The following GLB1L2 variants were observed in gnomAD, a reference collection of about 807,000 sequenced individuals.
GLB1L2 encodes galactosidase beta 1 like 2.
Under a neutral mutation model 84.1 loss-of-function variants are expected in GLB1L2, and 68 were observed. The ratio of observed to expected loss-of-function variants is 0.81; its 90% CI spans 0.67 to 0.99. The LOEUF is 0.99. Ranked by LOEUF, GLB1L2 falls within the 50% of genes least tolerant of loss-of-function variation. The pLI is 0.00. For missense variants in GLB1L2, 762 were observed against 805.6 expected, an observed-to-expected ratio of 0.95 and a Z score of 0.66; for synonymous variants, 290 against 318.0, an observed-to-expected ratio of 0.91 and a Z score of 0.94.
At chr11:134,366,946 G>A in intron 8 of GLB1L2, 1 of 380,022 alleles carries the variant, frequency 2.6e-6, no homozygotes, top group East Asian at 6.2e-5. Flanking sequence ...GACAGGCAAA[G>A]CTTGGCTTGA....
intron 6 of GLB1L2, among the ~76,000 whole-genome samples, chr11:134,357,669 C>T (rs1380665210): frequency 6.6e-6 from 1 of 152,244 alleles, no homozygotes; most frequent in African/African-American, 2.4e-5. Context: ...TCATGCTTCC[C>T]TGGTGTCGGG....
At chr11:134,374,833 G>A (rs968520554) in intron 18 of GLB1L2, 115 bp downstream of exon 18, 21 of 1,151,928 alleles carry the variant, frequency 1.8e-5, no homozygotes, top group Admixed American at 1.6e-4. Context: ...CCTCCTCCTC[G>A]CTGCAGACGA....
chr11:134,349,747 CAA>C (rs1292347402), intron 5 of GLB1L2, among the ~76,000 whole-genome samples: 2 of 152,154 alleles, frequency 1.3e-5, no homozygotes, highest in Non-Finnish European at 2.9e-5. Flanking sequence ...AATGTTTATT[CAA>C]GTCTTCTGCT....
Position 134,370,498 on chromosome 11 carries a change from G to C in GLB1L2, c.1215+99G>C. 2 of 911,250 alleles carry C rather than the reference G, an allele frequency of 2.2e-6. No individual in the cohort carries two copies. The highest frequency in any genetic ancestry group is 3.5e-6 in the Non-Finnish European group (2 of 566,974). 56.4% of individuals were successfully genotyped at this position (911,250 alleles called of 1,614,324 possible). A position where few individuals can be genotyped will look rare whatever the true frequency, so the allele number is the denominator to read the frequency against. On this transcript the variant is annotated intron_variant, in intron 12 of 18. Coordinates refer to ENST00000535456, the MANE Select transcript of GLB1L2 (RefSeq NM_001370461.1). The surrounding 1 kb of genome is among the most constrained non-coding windows in gnomAD (Gnocchi z 4.7). ...GGGCAGTCGTCGGCGGGAGGTGAGA[G>C]TCGTCGGGGCAGCAGGGCCTGGAGC...
At chr11:134,336,764 A>T (rs1156842911) in intron 1 of GLB1L2, among the ~76,000 whole-genome samples, 1 of 148,666 alleles carries the variant, frequency 6.7e-6, no homozygotes, top group African/African-American at 2.5e-5. Context: ...TTAAAAAAAA[A>T]TTTAACATAA....
At position 134,359,068 on chromosome 11, in the gene GLB1L2, G is replaced by A. The variant is rs1386341076; in HGVS notation, c.660G>A (p.Glu220=). Residue 220 remains glutamate (E), a synonymous_variant, in exon 7 of 19, where the codon GAG becomes GAA. Transcript: ENST00000535456. ...AYMPYVKKAL[E]DRGIVELLLT... is the part of the protein sequence containing the mutation. ...TCTCATTTCCCCCACAGGCACTGGAGGACCGTGGCATTGTGGAACTGCTCC... is the reference window on the plus strand; with the variant it reads ...TCTCATTTCCCCCACAGGCACTGGAAGACCGTGGCATTGTGGAACTGCTCC... 6.9e-6 allele frequency: 11 copies of A among 1,600,040 alleles called. No homozygotes were observed. The East Asian group carries it at 2.5e-4, about 36-fold the overall frequency.
At chr11:134,342,191 CGACGGCCTTCCCGTG>C (rs1943473565) in intron 1 of GLB1L2, among the ~76,000 whole-genome samples, 1 of 152,080 alleles carries the variant, frequency 6.6e-6, no homozygotes, top group South Asian at 2.1e-4. Context: ...CCGGAGCCTT[CGACGGCCTTCCCGTG>C]GGGGACTCTG....
chr11:134,334,396 A>G lies in GLB1L2; in HGVS notation c.86+2249A>G, dbSNP rs562620860. On this transcript the variant is annotated intron_variant, in intron 1 of 18. Coordinates refer to ENST00000535456, the MANE Select transcript of GLB1L2 (RefSeq NM_001370461.1). This position sits in a 1 kb window ranked among gnomAD's most constrained non-coding sequence, Gnocchi z 4.1. ...CGGTCAGTCATAGCTGGTGGGTTAC[A>G]TCATATCAAAAGACTAGGATGACCA... 6.6e-6 allele frequency among the ~76,000 whole-genome samples: 1 copy of G among 152,236 alleles called. No homozygotes were observed. Among genetic ancestry groups the G allele is most frequent in the Admixed American group, 6.5e-5 (1 of 15,288 alleles).
intron 7 of GLB1L2, among the ~76,000 whole-genome samples, chr11:134,362,627 G>A (rs1309174899): frequency 1.3e-5 from 2 of 152,200 alleles, no homozygotes; most frequent in African/African-American, 2.4e-5. Flanking sequence ...AGCTGTTCTG[G>A]GCCAGGCCGG....
Position 134,370,377 on chromosome 11 carries a change from A to G in GLB1L2, c.1193A>G (p.Asp398Gly), listed in dbSNP as rs1181073103. The G allele has an allele frequency of 6.2e-7, 1 of 1,612,934 alleles. No individual in the cohort carries two copies. The highest frequency in any genetic ancestry group is 2.2e-5 in the East Asian group (1 of 44,808). Residue 398 changes from aspartate (D) to glycine (G), a missense_variant, in exon 12 of 19, where the codon GAC (aspartate) becomes GGC (glycine). Coordinates refer to ENST00000535456, the MANE Select transcript of GLB1L2 (RefSeq NM_001370461.1). This position sits in a 1 kb window ranked among gnomAD's most constrained non-coding sequence, Gnocchi z 4.7. ...CCAGTCTTGTACCTGTCTCTGTGGGACGCCCTCAAGTACCTGGGGGAGGTG... is the reference window on the plus strand; with the variant it reads ...CCAGTCTTGTACCTGTCTCTGTGGGGCGCCCTCAAGTACCTGGGGGAGGTG... ...LTPVLYLSLW[D>G]ALKYLGEPIK...
At chr11:134,344,136 G>A (rs1252336697) in intron 2 of GLB1L2, among the ~76,000 whole-genome samples, 2 of 152,130 alleles carry the variant, frequency 1.3e-5, no homozygotes, top group African/African-American at 4.8e-5. Flanking sequence ...AAGCTAACTG[G>A]GGTCAGAGCG....
chr11:134,338,900 C>T lies in GLB1L2; in HGVS notation c.87-3854C>T, dbSNP rs957754094. 2.0e-5 allele frequency among the ~76,000 whole-genome samples: 3 copies of T among 152,154 alleles called. No homozygotes were observed. Among genetic ancestry groups the T allele is most frequent in the Non-Finnish European group, 2.9e-5 (2 of 68,026 alleles). The stretch of plus-strand genomic sequence containing the variant: ...CACCCTCTCCATCCAGGTGGAGGAG[C>T]GGAGCCTGACTCTGAGCAGAGCAGA... On this transcript the variant is annotated intron_variant, in intron 1 of 18. Coordinates refer to ENST00000535456, the MANE Select transcript of GLB1L2 (RefSeq NM_001370461.1). The surrounding 1 kb of genome is among the most constrained non-coding windows in gnomAD (Gnocchi z 6.2).
At position 134,373,755 on chromosome 11, in the gene GLB1L2, C is replaced by T. The variant is rs1174463879; in HGVS notation, c.1542C>T (p.Pro514=). ...LIGNLYLNDS[P]LKNFRIYSLD... ...GAAATCTCTATCTGAATGATTCACC[C>T]CTGAAAAACTTCAGAATCTATAGCC... Residue 514 remains proline (P), a synonymous_variant, in exon 16 of 19, where the codon CCC becomes CCT. Transcript: ENST00000535456. 1 of 1,613,070 alleles carries T rather than the reference C, an allele frequency of 6.2e-7. No homozygotes were observed. Among genetic ancestry groups the T allele is most frequent in the Non-Finnish European group, 8.5e-7 (1 of 1,179,230 alleles).
rs765187098 is a variant in GLB1L2, at chr11:134,332,012, G to C, written c.-50G>C. On this transcript the variant is annotated 5_prime_UTR_variant, in exon 1 of 19. Transcript: ENST00000535456. ...CGCGGCGAGGCTCCCGCGCGCGGCT[G>C]AGTGCGGACTGGAGTGGGAACCCGG... is the stretch of plus-strand genomic sequence containing the variant. The C allele has an allele frequency of 3.0e-6, 4 of 1,327,920 alleles. No individual in the cohort carries two copies. Among genetic ancestry groups the C allele is most frequent in the South Asian group, 2.6e-5 (2 of 76,156 alleles). 82.3% of individuals were successfully genotyped at this position (1,327,920 alleles called of 1,614,324 possible).
intron 5 of GLB1L2, among the ~76,000 whole-genome samples, chr11:134,350,956 C>T (rs1423549389): frequency 6.6e-6 from 1 of 152,212 alleles, no homozygotes; most frequent in Non-Finnish European, 1.5e-5. Context: ...CTGTTTTCTG[C>T]ATTTAAGATC....
rs140543170 is a variant in GLB1L2 at position 134,375,016 on chromosome 11, C to T, written c.1869C>T (p.Phe623=). The change falls in exon 19 of 19, where the codon TTC becomes TTT. Residue 623 remains phenylalanine (F), a synonymous_variant. Coordinates refer to ENST00000535456, the MANE Select transcript of GLB1L2 (RefSeq NM_001370461.1). ...CGATGGCGGGCCCTGCATTACAGTT[C>T]ACGGAAACCCCCCACCTGGGCAGGA... is the stretch of plus-strand genomic sequence containing the variant. ...EETMAGPALQ[F]TETPHLGRNQ... is the part of the protein sequence containing the mutation. The T allele has an allele frequency of 3.7e-6, 6 of 1,613,886 alleles. No individual in the cohort carries two copies. Among genetic ancestry groups the T allele is most frequent in the Non-Finnish European group, 5.1e-6 (6 of 1,179,970 alleles).
intron 16 of GLB1L2, among the ~76,000 whole-genome samples, 165 bp downstream of exon 16, chr11:134,373,973 G>A (rs949151713): frequency 2.0e-5 from 3 of 152,208 alleles, no homozygotes; most frequent in Non-Finnish European, 2.9e-5. Context: ...ACTAGAAGCC[G>A]CATTTGCAGA....
chr11:134,343,452 G>A (rs1943500259), intron 2 of GLB1L2, among the ~76,000 whole-genome samples: 1 of 152,198 alleles, frequency 6.6e-6, no homozygotes, highest in African/African-American at 2.4e-5. Flanking sequence ...TATAAAGTGT[G>A]CTCAGTTGTG....
chr11:134,353,633 A>T (rs932579773), intron 5 of GLB1L2, among the ~76,000 whole-genome samples: 2 of 152,082 alleles, frequency 1.3e-5, no homozygotes, highest in Non-Finnish European at 1.5e-5. Flanking sequence ...TGATATTCAG[A>T]TATTGAGTCT....
Sources: allele counts gnomAD v4.1 joint callset (sites outside exome capture counted in the v4.1 genomes callset), GRCh38; gene constraint gnomAD v4.1.1; non-coding constraint Gnocchi (gnomAD v3.1); transcripts MANE v1.5; gene names NCBI Gene and HGNC (gene_info 2026-07-23, HGNC 2026-07-21).